The following C1S variants were observed in gnomAD, a reference collection of about 807,000 sequenced individuals.
C1S encodes the protein complement C1s subcomponent.
Under a neutral mutation model 54.0 loss-of-function variants are expected in C1S, and 31 were observed. That is an observed-to-expected ratio of 0.57 (90% CI 0.43 to 0.78). C1S has a LOEUF of 0.78. Among genes scored for constraint, C1S ranks in the 30% least tolerant of loss-of-function variants. The pLI is 0.00. For missense variants in C1S, 727 were observed against 851.8 expected (o/e 0.85, Z 1.82); for synonymous variants, 292 against 303.6 (o/e 0.96, Z 0.40).
At chr12:7,062,349 A>G in intron 2 of C1S, 126 bp from the exon 3 acceptor site, 1 of 744,516 alleles carries the variant, frequency 1.3e-6, no homozygotes. Flanking sequence ...CCGACCTAAG[A>G]TTCTCCCCCA....
chr12:7,061,986 A>G, intron 2 of C1S, 69 bp downstream of exon 2: 1 of 1,495,090 alleles, frequency 6.7e-7, no homozygotes, highest in Non-Finnish European at 9.3e-7. Context: ...AAAGCGCTCA[A>G]GGGCCAGGCA....
At chr12:7,061,646 T>C in intron 1 of C1S, 193 bp from the exon 2 acceptor site, 1 of 560,504 alleles carries the variant, frequency 1.8e-6, no homozygotes, top group Admixed American at 2.9e-5. Context: ...GGATACAATT[T>C]AGCTATAGTC....
Position 7,063,785 on chromosome 12 carries a change from G to A in C1S, c.392-482G>A, listed in dbSNP as rs923435660. On this transcript the variant is annotated intron_variant, in intron 4 of 11. Transcript: ENST00000360817. ...CACACCTGTAATCCCAGCACTTTGG[G>A]AGGCTGAGGCAGGTGGATTACCGGA... 1.4e-5 allele frequency: 5 copies of A among 354,992 alleles called. 1 individual carries two copies. Among genetic ancestry groups the A allele is most frequent in the South Asian group, 8.7e-5 (4 of 46,086 alleles). 22.0% of individuals were successfully genotyped at this position (354,992 alleles called of 1,614,324 possible). A position where few individuals can be genotyped will look rare whatever the true frequency, so the allele number is the denominator to read the frequency against.
rs782043980 is a variant in C1S at position 7,070,242 on chromosome 12, C to T, written c.1658C>T (p.Thr553Ile). ...GTCTCTCCCATCTGCCTACCAGGCA[C>T]CTCTTCCGACTACAACCTCATGGAT... ...PTVSPICLPG[T>I]SSDYNLMDGD... The change falls in exon 12 of 12, where the codon ACC becomes ATC. Residue 553 changes from threonine to isoleucine, a missense_variant. This residue lies in a region of C1S where 360 missense variants were observed against 453.6 expected (regional missense o/e 0.79). Coordinates refer to ENST00000360817, the MANE Select transcript of C1S (RefSeq NM_001734.5). The surrounding 1 kb of genome is among the most constrained non-coding windows in gnomAD (Gnocchi z 4.9). 15 of 1,614,028 alleles carry T rather than the reference C, an allele frequency of 9.3e-6. No homozygotes were observed. In the Admixed American group the frequency reaches 1.2e-4, roughly 13 times the overall value.
At position 7,062,193 on chromosome 12, in the gene C1S, C is replaced by T. The variant is rs782513906; in HGVS notation, c.5+276C>T. On this transcript the variant is annotated intron_variant, in intron 2 of 11. Transcript: ENST00000360817. Reference sequence around the variant, plus strand: ...GGCTGAGGTGGTAGAATCACTTGAGCGCGGGAGGTCAAGGCTGCAGTGACC... The same window carrying T: ...GGCTGAGGTGGTAGAATCACTTGAGTGCGGGAGGTCAAGGCTGCAGTGACC... 5.8e-4 allele frequency: 316 copies of T among 549,518 alleles called. 1 individual carries two copies. Among genetic ancestry groups the T allele is most frequent in the African/African-American group, 5.6e-3 (279 of 49,748 alleles). The allele number at this position is 549,518 out of a possible 1,614,324, so 34.0% of individuals were successfully genotyped here. A position where few individuals can be genotyped will look rare whatever the true frequency, so the allele number is the denominator to read the frequency against.
rs782307937 is a variant in C1S, at chr12:7,070,841, G to A, written c.*190G>A. On this transcript the variant is annotated 3_prime_UTR_variant, in exon 12 of 12. Coordinates refer to ENST00000360817, the MANE Select transcript of C1S (RefSeq NM_001734.5). The surrounding 1 kb of genome is among the most constrained non-coding windows in gnomAD (Gnocchi z 4.9). The stretch of plus-strand genomic sequence containing the variant: ...AGAATTGTGCTGGTCATACATTTGT[G>A]GTCTGACTCCTTGGGGTCCTTTCCC... 29 of 633,758 alleles carry A rather than the reference G, an allele frequency of 4.6e-5. 1 individual carries two copies. The highest frequency in any genetic ancestry group is 4.5e-4 in the East Asian group (16 of 35,762). 39.3% of individuals were successfully genotyped at this position (633,758 alleles called of 1,614,324 possible).
At chr12:7,062,743 G>T (rs1254074615) in intron 3 of C1S, 61 bp downstream of exon 3, 6 of 1,551,290 alleles carry the variant, frequency 3.9e-6, no homozygotes, top group Non-Finnish European at 5.3e-6. Context: ...GCGGAATAAG[G>T]ATGTGGGAGG....
intron 1 of C1S, chr12:7,061,084 A>G (rs1393429810): frequency 6.6e-6 from 1 of 152,292 alleles, no homozygotes; most frequent in Non-Finnish European, 1.5e-5. Flanking sequence ...GGGTTAAAGC[A>G]ATTTTAGCAA....
intron 7 of C1S, 28 bp from the exon 8 acceptor site, chr12:7,066,490 C>T (rs782115915): frequency 3.6e-5 from 47 of 1,317,042 alleles, no homozygotes; most frequent in Admixed American, 1.8e-4. Flanking sequence ...TAATTTTTTC[C>T]TCCTGTCCCA....
chr12:7,062,393 C>A, intron 2 of C1S, 82 bp from the exon 3 acceptor site: 2 of 1,021,832 alleles, frequency 2.0e-6, no homozygotes, highest in East Asian at 2.4e-5. Flanking sequence ...TTCCCCCTTT[C>A]TTCTGCCTCT....
chr12:7,062,226 G>T, intron 2 of C1S: 1 of 549,580 alleles, frequency 1.8e-6, no homozygotes, highest in Non-Finnish European at 3.2e-6. Flanking sequence ...ACCTGAGATC[G>T]CACCACTGCA....
chr12:7,067,878 G>T, intron 10 of C1S, 107 bp downstream of exon 10: 1 of 1,194,934 alleles, frequency 8.4e-7, no homozygotes. Context: ...GAAGGCGATA[G>T]GACAGACATT....
Position 7,070,715 on chromosome 12 carries a change from G to T in C1S, c.*64G>T, listed in dbSNP as rs7183. ...CAATGCATTACCTTCTGTTCCTTAT[G>T]ATATTCTCATTATTTCATCATGACT... On this transcript the variant is annotated 3_prime_UTR_variant, in exon 12 of 12. Transcript: ENST00000360817. The surrounding 1 kb of genome is among the most constrained non-coding windows in gnomAD (Gnocchi z 4.9). 0.13 allele frequency: 162,199 copies of T among 1,259,502 alleles called. 10,932 individuals are homozygous for T. Among genetic ancestry groups the T allele is most frequent in the African/African-American group, 0.14 (9,346 of 68,088 alleles). 78.0% of individuals were successfully genotyped at this position (1,259,502 alleles called of 1,614,324 possible).
chr12:7,062,170 C>T (rs1947099267), intron 2 of C1S: 2 of 566,172 alleles, frequency 3.5e-6, no homozygotes, highest in Admixed American at 3.1e-5. Flanking sequence ...ACTCAAAAGG[C>T]TGAGGTGGTA....
Position 7,068,454 on chromosome 12 carries a change from A to C in C1S, c.1196-2A>C. 2 of 1,609,918 alleles carry C rather than the reference A, an allele frequency of 1.2e-6. No individual in the cohort carries two copies. Among genetic ancestry groups the C allele is most frequent in the Non-Finnish European group, 1.7e-6 (2 of 1,176,192 alleles). ...TGGCCTGTGTTCTCTGTGCTATTCC[A>C]GGGGAGTATCACTGTGCTGGTAACG... is the stretch of plus-strand genomic sequence containing the variant. On this transcript the variant is annotated splice_acceptor_variant, in intron 10 of 11. Transcript: ENST00000360817. LOFTEE classifies it high-confidence loss of function.
Position 7,062,627 on chromosome 12 carries a change from A to T in C1S, c.158A>T (p.Tyr53Phe). 1 of 1,614,118 alleles carries T rather than the reference A, an allele frequency of 6.2e-7. No homozygotes were observed. The highest frequency in any genetic ancestry group is 1.1e-5 in the South Asian group (1 of 91,080). The change falls in exon 3 of 12, where the codon TAC becomes TTC. Residue 53 changes from tyrosine (Y) to phenylalanine (F), a missense_variant. By Grantham distance (22) the Tyr-to-Phe change is conservative. Transcript: ENST00000360817. ...CCTGAAGGGTATGGGATTCACCTCTACTTCACCCATCTGGACATTGAGCTG... is the reference window on the plus strand; with the variant it reads ...CCTGAAGGGTATGGGATTCACCTCTTCTTCACCCATCTGGACATTGAGCTG... ...EVPEGYGIHL[Y>F]FTHLDIELSE...
At chr12:7,061,670 G>C (rs1191131188) in intron 1 of C1S, 169 bp from the exon 2 acceptor site, 2 of 605,414 alleles carry the variant, frequency 3.3e-6, no homozygotes, top group South Asian at 1.8e-5. Flanking sequence ...AAAGTTAGTC[G>C]AAGTTAACTA....
rs782284071 is a variant in C1S at position 7,067,767 on chromosome 12, AGGT to A, written c.1195_1195+2del. ...CATATTACTACATGGAAAATGGAGGAGGTGGTAGGTTTCTTCTACTGGAGAAGA... is the reference window on the plus strand; with the variant it reads ...CATATTACTACATGGAAAATGGAGGAGGTAGGTTTCTTCTACTGGAGAAGA... On this transcript the variant is annotated inframe_deletion and splice_region_variant, in exon 10 of 12. Transcript: ENST00000360817. 18 of 1,613,796 alleles carry A rather than the reference AGGT, an allele frequency of 1.1e-5. No homozygotes were observed. Among genetic ancestry groups the A allele is most frequent in the Non-Finnish European group, 1.5e-5 (18 of 1,179,754 alleles).
At chr12:7,062,820 G>A in intron 3 of C1S, 70 bp from the exon 4 acceptor site, 1 of 1,564,540 alleles carries the variant, frequency 6.4e-7, no homozygotes, top group Non-Finnish European at 8.8e-7. Flanking sequence ...TATTCTCTCT[G>A]TCCCTTCTTT....
Sources: allele counts gnomAD v4.1 joint callset, GRCh38; gene constraint gnomAD v4.1.1; regional missense constraint gnomAD v4.1.1; non-coding constraint Gnocchi (gnomAD v3.1); transcripts MANE v1.5; gene names NCBI Gene and HGNC (gene_info 2026-07-23, HGNC 2026-07-21).